The following KCNIP1 variants were observed in gnomAD, a reference collection of about 807,000 sequenced individuals.
KCNIP1 encodes the protein potassium voltage-gated channel interacting protein 1.
A neutral mutation model predicts 33.0 loss-of-function variants in KCNIP1; 18 were observed. That is an observed-to-expected ratio of 0.55 (90% CI 0.38 to 0.81). The LOEUF (loss-of-function observed/expected upper bound fraction) is 0.81, where lower values mean the gene tolerates loss of function less well. KCNIP1 is among the 30% of genes least tolerant of loss of function. The pLI, the probability that KCNIP1 is intolerant of heterozygous loss-of-function variation, is 0.00. For missense variants in KCNIP1, 238 were observed against 271.6 expected, an observed-to-expected ratio of 0.88 and a Z score of 0.87; for synonymous variants, 93 against 98.3, an observed-to-expected ratio of 0.95 and a Z score of 0.32.
At chr5:170,691,661 C>T (rs948912861) in intron 1 of KCNIP1, among the ~76,000 whole-genome samples, 1 of 152,192 alleles carries the variant, frequency 6.6e-6, no homozygotes, top group Non-Finnish European at 1.5e-5. Flanking sequence ...GGAAATCACA[C>T]AACAATTCCA....
chr5:170,580,215 G>A (rs145053859), intron 1 of KCNIP1, among the ~76,000 whole-genome samples: 1 of 152,120 alleles, frequency 6.6e-6, no homozygotes, highest in Non-Finnish European at 1.5e-5. Context: ...ATCTTCAAAG[G>A]ATAAAACTGC....
chr5:170,456,845 A>G (rs1433234500), intron 1 of KCNIP1, among the ~76,000 whole-genome samples: 2 of 151,908 alleles, frequency 1.3e-5, no homozygotes, highest in Non-Finnish European at 2.9e-5. Context: ...CAGACTCTCG[A>G]GTAGCTGGAA....
At chr5:170,652,518 GAGA>G (rs1761085986) in intron 1 of KCNIP1, among the ~76,000 whole-genome samples, 1 of 129,140 alleles carries the variant, frequency 7.7e-6, no homozygotes, top group African/African-American at 2.9e-5. Flanking sequence ...AGGAAGGAAG[GAGA>G]AAAGAAAAAA....
chr5:170,492,967 A>G (rs746604969), intron 1 of KCNIP1, among the ~76,000 whole-genome samples: 2 of 152,008 alleles, frequency 1.3e-5, no homozygotes, highest in Non-Finnish European at 2.9e-5. Context: ...CCAGGATGGT[A>G]TTGATTCCCT....
Position 170,507,267 on chromosome 5 carries a change from C to G in KCNIP1, c.61+2634C>G, listed in dbSNP as rs182469452. On this transcript the variant is annotated intron_variant, in intron 1 of 7. Coordinates refer to ENST00000328939, the MANE Select transcript of KCNIP1 (RefSeq NM_014592.4). ...GCTCTGCCACTTACTAGCTGTATGA[C>G]TAAGCCTTGTTTTCCTCAACTATAA... 1.1e-3 allele frequency among the ~76,000 whole-genome samples: 168 copies of G among 152,330 alleles called. 1 individual carries two copies. The highest frequency in any genetic ancestry group is 0.01 in the Middle Eastern group (3 of 294).
At chr5:170,467,656 G>A (rs1756635463) in intron 1 of KCNIP1, among the ~76,000 whole-genome samples, 1 of 152,128 alleles carries the variant, frequency 6.6e-6, no homozygotes, top group African/African-American at 2.4e-5. Context: ...GGTGGCTCAC[G>A]CCTGTAATCC....
upstream of KCNIP1, among the ~76,000 whole-genome samples, chr5:170,502,313 G>A (rs544467686): frequency 4.2e-4 from 64 of 152,332 alleles, no homozygotes; most frequent in African/African-American, 1.5e-3. Context: ...TTGCAGAAAA[G>A]CAATAAATGC....
intron 1 of KCNIP1, among the ~76,000 whole-genome samples, chr5:170,359,502 C>T (rs1763443713): frequency 6.6e-6 from 1 of 152,168 alleles, no homozygotes; most frequent in Non-Finnish European, 1.5e-5. Context: ...CTGGCTCGCT[C>T]ACTGTCCTGG....
chr5:170,675,124 G>A (rs1354064289), intron 1 of KCNIP1, among the ~76,000 whole-genome samples: 3 of 151,910 alleles, frequency 2.0e-5, no homozygotes, highest in Admixed American at 1.3e-4. Flanking sequence ...AATATAGTGA[G>A]ATCTCTATGT....
intron 1 of KCNIP1, among the ~76,000 whole-genome samples, chr5:170,557,780 T>G (rs1047851126): frequency 6.6e-6 from 1 of 151,940 alleles, no homozygotes; most frequent in Non-Finnish European, 1.5e-5. Context: ...TGGGTAGGAA[T>G]GAGGTTGAGA....
chr5:170,358,082 G>A (rs560559852), intron 1 of KCNIP1, among the ~76,000 whole-genome samples: 6 of 152,290 alleles, frequency 3.9e-5, no homozygotes, highest in African/African-American at 1.2e-4. Flanking sequence ...CAGACTTCCT[G>A]GGGGCCGCTG....
intron 1 of KCNIP1, among the ~76,000 whole-genome samples, chr5:170,411,154 G>A (rs538502334): frequency 1.3e-5 from 2 of 152,310 alleles, no homozygotes; most frequent in East Asian, 1.9e-4. Flanking sequence ...GCATCCAAGC[G>A]ATGCTAATTG....
intron 1 of KCNIP1, among the ~76,000 whole-genome samples, chr5:170,601,095 A>T (rs1007687266): frequency 6.6e-6 from 1 of 152,244 alleles, no homozygotes; most frequent in African/African-American, 2.4e-5. Flanking sequence ...GATTCTAAAG[A>T]TTACAAACAC....
At chr5:170,405,771 G>A (rs768018122) in intron 1 of KCNIP1, among the ~76,000 whole-genome samples, 4 of 152,180 alleles carry the variant, frequency 2.6e-5, no homozygotes, top group Non-Finnish European at 4.4e-5. Context: ...ACCAGTGATG[G>A]TAACACCTGC....
intron 1 of KCNIP1, among the ~76,000 whole-genome samples, chr5:170,569,867 A>G (rs1055253397): frequency 2.0e-5 from 3 of 152,198 alleles, no homozygotes; most frequent in Admixed American, 2.0e-4. Flanking sequence ...ACGTTCTAGC[A>G]GAGTCATCAA....
intron 1 of KCNIP1, among the ~76,000 whole-genome samples, chr5:170,392,337 A>G (rs1581145544): frequency 6.6e-6 from 1 of 152,162 alleles, no homozygotes; most frequent in South Asian, 2.1e-4. Context: ...AAAATCCACG[A>G]GAAGAAAAAA....
At chr5:170,378,824 G>A (rs145466654) in intron 1 of KCNIP1, 133 of 1,614,236 alleles carry the variant, frequency 8.2e-5, no homozygotes, top group Admixed American at 1.0e-4. Flanking sequence ...CCTGGGGCCC[G>A]TAGAGGCGCT....
intron 1 of KCNIP1, among the ~76,000 whole-genome samples, chr5:170,627,532 C>A (rs953368387): frequency 6.6e-6 from 1 of 152,238 alleles, no homozygotes; most frequent in African/African-American, 2.4e-5. Context: ...AAGAAAACAA[C>A]AAGGCTCCAG....
intron 1 of KCNIP1, among the ~76,000 whole-genome samples, chr5:170,581,252 A>G (rs1457995603): frequency 6.6e-6 from 1 of 152,240 alleles, no homozygotes; most frequent in African/African-American, 2.4e-5. Context: ...AGGCCTGCAG[A>G]CAGGGACTAA....
Sources: gnomAD v4.1 joint callset for allele counts (sites outside exome capture counted in the v4.1 genomes callset) on GRCh38, gnomAD v4.1.1 for gene constraint, MANE v1.5 for transcripts, NCBI Gene and HGNC (gene_info 2026-07-23, HGNC 2026-07-21) for gene names.